TBCK: variants seen among roughly 807,000 people sequenced by gnomAD.
TBCK encodes TBC1 domain containing kinase.
TBCK carries 99 observed loss-of-function variants against 113.4 expected under a neutral mutation model. That is an observed-to-expected ratio of 0.87 (90% CI 0.74 to 1.03). The LOEUF is 1.03. TBCK is among the 50% of genes least tolerant of loss of function. The pLI is 0.00. For missense variants in TBCK, 1,045 were observed against 1,061.3 expected, an observed-to-expected ratio of 0.98 and a Z score of 0.21; for synonymous variants, 369 against 370.8, an observed-to-expected ratio of 1.00 and a Z score of 0.05.
chr4:106,176,591 CTTAAG>C (rs925105483), intron 22 of TBCK, among the ~76,000 whole-genome samples: 1 of 151,978 alleles, frequency 6.6e-6, no homozygotes, highest in African/African-American at 2.4e-5. Flanking sequence ...TTGATAGACA[CTTAAG>C]TTGATTCTGT....
At chr4:106,122,915 T>C (rs1330474208) in intron 23 of TBCK, among the ~76,000 whole-genome samples, 7 of 152,166 alleles carry the variant, frequency 4.6e-5, no homozygotes, top group African/African-American at 1.7e-4. Flanking sequence ...CCACAGCCAA[T>C]ATCATACTGA....
At chr4:106,123,344 T>C (rs1207646782) in intron 23 of TBCK, among the ~76,000 whole-genome samples, 6 of 152,174 alleles carry the variant, frequency 3.9e-5, no homozygotes, top group Admixed American at 1.3e-4. Flanking sequence ...CAAGGAGAAC[T>C]ACAAATCACT....
At chr4:106,090,799 C>T (rs188707625) in intron 25 of TBCK, among the ~76,000 whole-genome samples, 95 of 152,228 alleles carry the variant, frequency 6.2e-4, no homozygotes, top group Middle Eastern at 3.4e-3. Flanking sequence ...AATCTTAACT[C>T]CAGGTCCCAA....
intron 25 of TBCK, among the ~76,000 whole-genome samples, chr4:106,070,493 A>T (rs1210375741): frequency 6.6e-6 from 1 of 151,258 alleles, no homozygotes; most frequent in Non-Finnish European, 1.5e-5. Context: ...GATGAAGCCG[A>T]CTTGATCTTG....
chr4:106,241,037 T>C (rs1760052281), intron 12 of TBCK, among the ~76,000 whole-genome samples: 1 of 152,106 alleles, frequency 6.6e-6, no homozygotes, highest in South Asian at 2.1e-4. Context: ...TGCTAATAGA[T>C]CATATCAATG....
chr4:106,161,739 T>G (rs1365702595), intron 23 of TBCK, among the ~76,000 whole-genome samples: 1 of 151,770 alleles, frequency 6.6e-6, no homozygotes, highest in Non-Finnish European at 1.5e-5. Flanking sequence ...TATGTGTGTA[T>G]GTAAGAAGAC....
rs1733951764 is a variant in TBCK, at chr4:106,043,016, A to G, written c.*3554T>C. 6.6e-6 allele frequency: 1 copy of G among 152,192 alleles called. No individual in the cohort carries two copies. The highest frequency in any genetic ancestry group is 1.5e-5 in the Non-Finnish European group (1 of 68,018). The allele number at this position is 152,192 out of a possible 1,614,324, so 9.4% of individuals were successfully genotyped here. A position where few individuals can be genotyped will look rare whatever the true frequency, so the allele number is the denominator to read the frequency against. ...ATTAGAACTCCCACCCATAAGATCC[A>G]AAGCTATGTCTTCTATTCCTATATG... On this transcript the variant is annotated 3_prime_UTR_variant, in exon 26 of 26. Coordinates refer to ENST00000394708, the MANE Select transcript of TBCK (RefSeq NM_001163435.3).
chr4:106,260,697 T>G (rs953748438), intron 4 of TBCK, among the ~76,000 whole-genome samples, 187 bp from the exon 5 acceptor site: 8 of 151,980 alleles, frequency 5.3e-5, no homozygotes, highest in African/African-American at 1.9e-4. Context: ...GCCAATAGTC[T>G]GCTTTATACT....
chr4:106,166,897 C>A (rs533779931), intron 23 of TBCK, among the ~76,000 whole-genome samples: 2 of 150,782 alleles, frequency 1.3e-5, no homozygotes, highest in Non-Finnish European at 3.0e-5. Flanking sequence ...AAAGATGGTA[C>A]AATAATTGTC....
At chr4:106,234,865 G>A (rs895764384) in intron 15 of TBCK, among the ~76,000 whole-genome samples, 6 of 152,016 alleles carry the variant, frequency 3.9e-5, no homozygotes, top group Admixed American at 2.0e-4. Context: ...ACTAAATTAT[G>A]TTAGTGATTT....
chr4:106,272,235 A>G (rs538676488), intron 3 of TBCK, among the ~76,000 whole-genome samples: 4 of 152,308 alleles, frequency 2.6e-5, no homozygotes, highest in African/African-American at 9.6e-5. Context: ...AATAACCGCC[A>G]GTACAGCTAT....
rs1734111454 is a variant in TBCK at position 106,045,149 on chromosome 4, C to G, written c.*1421G>C. ...TCATGGCTCATTGCAACCTCTGCCT[C>G]TCAGGTTCAAGTGATTCTCCTGCCT... On this transcript the variant is annotated 3_prime_UTR_variant, in exon 26 of 26. Coordinates refer to ENST00000394708, the MANE Select transcript of TBCK (RefSeq NM_001163435.3). 1 of 150,648 alleles carries G rather than the reference C, an allele frequency of 6.6e-6. No homozygotes were observed. The highest frequency in any genetic ancestry group is 6.6e-5 in the Admixed American group (1 of 15,048). The allele number at this position is 150,648 out of a possible 1,614,324, so 9.3% of individuals were successfully genotyped here.
chr4:106,054,604 G>T (rs530832938), intron 25 of TBCK, among the ~76,000 whole-genome samples: 133 of 151,748 alleles, frequency 8.8e-4, no homozygotes, highest in African/African-American at 2.4e-3. Flanking sequence ...ATGACAGTAG[G>T]AACTTAATTT....
At chr4:106,083,204 G>A (rs143630622) in intron 25 of TBCK, among the ~76,000 whole-genome samples, 24 of 152,310 alleles carry the variant, frequency 1.6e-4, no homozygotes, top group East Asian at 5.8e-4. Context: ...CAGGGGAAGC[G>A]TGGCACCCAT....
chr4:106,180,533 C>T (rs1375935536), intron 22 of TBCK, among the ~76,000 whole-genome samples: 1 of 152,056 alleles, frequency 6.6e-6, no homozygotes, highest in Non-Finnish European at 1.5e-5. Context: ...TATCCTTCCC[C>T]TAGCCCCCAC....
chr4:106,276,392 T>C (rs1764028993), intron 3 of TBCK, among the ~76,000 whole-genome samples: 1 of 152,020 alleles, frequency 6.6e-6, no homozygotes, highest in Admixed American at 6.6e-5. Context: ...AGAAGAAAAA[T>C]TTGACACATT....
chr4:106,207,492 G>A (rs1009837776), intron 20 of TBCK, among the ~76,000 whole-genome samples: 3 of 152,106 alleles, frequency 2.0e-5, no homozygotes, highest in Non-Finnish European at 4.4e-5. Flanking sequence ...ATTAAAGGTA[G>A]AACATTAAAG....
chr4:106,112,623 G>A (rs1439194051), intron 24 of TBCK, among the ~76,000 whole-genome samples: 2 of 152,078 alleles, frequency 1.3e-5, no homozygotes, highest in Admixed American at 1.3e-4. Flanking sequence ...AGAACCTTGA[G>A]AGGGCCCTCA....
chr4:106,121,186 A>G (rs1217272884), intron 23 of TBCK, among the ~76,000 whole-genome samples: 2 of 151,918 alleles, frequency 1.3e-5, no homozygotes, highest in Non-Finnish European at 2.9e-5. Flanking sequence ...AAGATCTACC[A>G]AGCAAATGGA....
Sources: allele counts gnomAD v4.1 joint callset (sites outside exome capture counted in the v4.1 genomes callset), GRCh38; gene constraint gnomAD v4.1.1; transcripts MANE v1.5; gene names NCBI Gene and HGNC (gene_info 2026-07-23, HGNC 2026-07-21).